GRM7: variants seen among roughly 807,000 people sequenced by gnomAD.
The protein encoded by GRM7 is glutamate metabotropic receptor 7, also known as metabotropic glutamate receptor 7.
In GRM7, 35 loss-of-function variants were observed where a neutral mutation model predicts 84.5. That is an observed-to-expected ratio of 0.41 (90% CI 0.32 to 0.55). GRM7 has a LOEUF of 0.55. GRM7 is among the 20% of genes least tolerant of loss of function. The pLI is 0.19. For missense variants in GRM7, 1,003 were observed against 1,194.6 expected (o/e 0.84, Z 2.36); for synonymous variants, 487 against 455.1 (o/e 1.07, Z -0.89).
intron 4 of GRM7, among the ~76,000 whole-genome samples, chr3:7,358,585 C>T (rs1330639779): frequency 6.7e-6 from 1 of 148,248 alleles, no homozygotes; most frequent in African/African-American, 2.6e-5. Context: ...TCTGAGAAGT[C>T]CCGAAATAAG....
chr3:6,956,395 T>G (rs527590691), intron 1 of GRM7, among the ~76,000 whole-genome samples: 1 of 152,222 alleles, frequency 6.6e-6, no homozygotes, highest in Admixed American at 6.5e-5. Context: ...ATTAGAGGAT[T>G]AATCATTACA....
chr3:7,302,795 T>A (rs917671439), intron 3 of GRM7, among the ~76,000 whole-genome samples: 10 of 152,218 alleles, frequency 6.6e-5, no homozygotes, highest in South Asian at 4.2e-4. Flanking sequence ...TCTTTTTTTT[T>A]AAACCAGTTT....
chr3:6,883,259 A>G (rs1349671959), intron 1 of GRM7, among the ~76,000 whole-genome samples: 1 of 152,068 alleles, frequency 6.6e-6, no homozygotes, highest in Non-Finnish European at 1.5e-5. Flanking sequence ...ATTTACAATA[A>G]CTTTTTATAT....
At chr3:7,013,578 C>G (rs1461129212) in intron 1 of GRM7, among the ~76,000 whole-genome samples, 2 of 152,136 alleles carry the variant, frequency 1.3e-5, no homozygotes, top group African/African-American at 2.4e-5. Flanking sequence ...AAGTACATAT[C>G]TATTTCTCCC....
chr3:7,662,920 A>G (rs1431747817), intron 8 of GRM7, among the ~76,000 whole-genome samples: 2 of 152,246 alleles, frequency 1.3e-5, no homozygotes, highest in Non-Finnish European at 2.9e-5. Flanking sequence ...ATGCAGAAAC[A>G]AGTTCTGGGG....
chr3:7,297,121 T>G (rs1343308111), intron 2 of GRM7, among the ~76,000 whole-genome samples: 1 of 151,662 alleles, frequency 6.6e-6, no homozygotes, highest in Admixed American at 6.6e-5. Context: ...TCTTTTTGAA[T>G]ATAAACATAT....
rs1699334946 is a variant in GRM7 at position 7,283,776 on chromosome 3, A to G, written c.737-14908A>G. 2.0e-5 allele frequency among the ~76,000 whole-genome samples: 3 copies of G among 152,344 alleles called. No individual in the cohort carries two copies. In the South Asian group the frequency reaches 6.2e-4, roughly 32 times the overall value. On this transcript the variant is annotated intron_variant, in intron 2 of 9. Coordinates refer to ENST00000357716, the MANE Select transcript of GRM7 (RefSeq NM_000844.4). ...AGTTCTACACATGGACTTTACGGGC[A>G]GTTAAAAAATTCACAAAGAAGAATT... is the stretch of plus-strand genomic sequence containing the variant.
intron 8 of GRM7, among the ~76,000 whole-genome samples, chr3:7,652,991 T>C (rs1699016235): frequency 6.6e-6 from 1 of 152,038 alleles, no homozygotes; most frequent in East Asian, 1.9e-4. Flanking sequence ...ATAGGGTCTC[T>C]CTGGAATGTC....
At chr3:7,229,453 G>A (rs1195302451) in intron 2 of GRM7, among the ~76,000 whole-genome samples, 1 of 151,528 alleles carries the variant, frequency 6.6e-6, no homozygotes, top group Non-Finnish European at 1.5e-5. Flanking sequence ...TAGCAGAAGG[G>A]GACCTCAAAC....
At chr3:7,641,802 A>T (rs34599258) in intron 8 of GRM7, among the ~76,000 whole-genome samples, 1 of 152,200 alleles carries the variant, frequency 6.6e-6, no homozygotes, top group African/African-American at 2.4e-5. Flanking sequence ...CATATAAAAG[A>T]CAAGGACTTA....
chr3:7,270,486 CCTTTT>C (rs775523722), intron 2 of GRM7, among the ~76,000 whole-genome samples: 1 of 151,930 alleles, frequency 6.6e-6, no homozygotes, highest in Non-Finnish European at 1.5e-5. Flanking sequence ...AGCCTTTCTC[CCTTTT>C]CTTTGAATTA....
intron 1 of GRM7, among the ~76,000 whole-genome samples, chr3:6,888,289 G>T (rs140987543): frequency 0.099 from 15,057 of 152,212 alleles, 859 homozygotes; most frequent in Non-Finnish European, 0.14. Context: ...TGGTGTTTTA[G>T]ACATGAAGTC....
At chr3:7,147,737 C>G (rs924329538) in intron 2 of GRM7, among the ~76,000 whole-genome samples, 1 of 152,106 alleles carries the variant, frequency 6.6e-6, no homozygotes, top group African/African-American at 2.4e-5. Context: ...GCTGTAATTT[C>G]AAAACTTCAC....
chr3:6,865,723 T>C (rs1334469136), intron 1 of GRM7, among the ~76,000 whole-genome samples: 7 of 152,204 alleles, frequency 4.6e-5, no homozygotes, highest in African/African-American at 1.7e-4. Context: ...ATCAAACTTT[T>C]GGGATAATAT....
At chr3:7,015,514 T>A (rs552331377) in intron 1 of GRM7, among the ~76,000 whole-genome samples, 45 of 152,344 alleles carry the variant, frequency 3.0e-4, no homozygotes, top group African/African-American at 1.1e-3. Flanking sequence ...AACAAATTAA[T>A]GCAAAAATTA....
At chr3:6,877,000 A>G (rs1025701875) in intron 1 of GRM7, among the ~76,000 whole-genome samples, 1 of 152,182 alleles carries the variant, frequency 6.6e-6, no homozygotes, top group African/African-American at 2.4e-5. Flanking sequence ...TCTTTGTCTG[A>G]TTGCAAGCTT....
At chr3:7,536,296 A>G (rs1701240829) in intron 7 of GRM7, among the ~76,000 whole-genome samples, 1 of 152,182 alleles carries the variant, frequency 6.6e-6, no homozygotes. Flanking sequence ...TATTACCAGT[A>G]TTGGTAGCTG....
chr3:7,177,737 G>A (rs936012833), intron 2 of GRM7, among the ~76,000 whole-genome samples: 1 of 152,126 alleles, frequency 6.6e-6, no homozygotes, highest in Non-Finnish European at 1.5e-5. Context: ...TGTTTTTAAT[G>A]CTACAACTGA....
chr3:7,363,448 G>A (rs1018092615), intron 4 of GRM7, among the ~76,000 whole-genome samples: 4 of 151,980 alleles, frequency 2.6e-5, no homozygotes, highest in African/African-American at 7.2e-5. Context: ...GCAGTATAAC[G>A]AACACTATTT....
Sources: gnomAD v4.1 joint callset for allele counts (sites outside exome capture counted in the v4.1 genomes callset) on GRCh38, gnomAD v4.1.1 for gene constraint, MANE v1.5 for transcripts, NCBI Gene and HGNC (gene_info 2026-07-23, HGNC 2026-07-21) for gene names.